The following BTBD7 variants were observed in gnomAD, a reference collection of about 807,000 sequenced individuals.
The protein encoded by BTBD7 is BTB domain containing 7.
Under a neutral mutation model 99.9 loss-of-function variants are expected in BTBD7, and 38 were observed. The observed-to-expected ratio is 0.38, with a 90% confidence interval of 0.29 to 0.50. The LOEUF is 0.50. BTBD7 is among the 20% of genes least tolerant of loss of function. The probability of loss-of-function intolerance (pLI) is 0.93; values close to 1 mark genes in which losing one functional copy is unlikely to be tolerated. For synonymous variants in BTBD7, 520 were observed against 511.4 expected (o/e 1.02, Z -0.23); for missense variants, 1,170 against 1,394.6 (o/e 0.84, Z 2.57).
chr14:93,269,836 C>T (rs773271179), intron 3 of BTBD7, among the ~76,000 whole-genome samples: 72 of 152,208 alleles, frequency 4.7e-4, no homozygotes, highest in Middle Eastern at 3.4e-3. Flanking sequence ...CCTCCTACCA[C>T]GTGAAAAGTA....
intron 1 of BTBD7, among the ~76,000 whole-genome samples, chr14:93,323,759 G>T (rs866721547): frequency 6.6e-6 from 1 of 152,126 alleles, no homozygotes; most frequent in Non-Finnish European, 1.5e-5. Flanking sequence ...GATCTCACTG[G>T]TTTTTCCATT....
intron 1 of BTBD7, among the ~76,000 whole-genome samples, chr14:93,305,637 C>T (rs1045146193): frequency 2.6e-5 from 4 of 152,216 alleles, no homozygotes; most frequent in Non-Finnish European, 1.5e-5. Context: ...TTAAGTATGT[C>T]AGAATGAAAT....
Position 93,296,061 on chromosome 14 carries a change from TCAC to T in BTBD7, c.-13_-11del. 6.2e-7 allele frequency: 1 copy of T among 1,613,236 alleles called. No individual in the cohort carries two copies. On this transcript the variant is annotated 5_prime_UTR_variant, in exon 2 of 11. The change abolishes the stop of an existing upstream ORF in the 5' untranslated region. Coordinates refer to ENST00000334746, the MANE Select transcript of BTBD7 (RefSeq NM_001002860.4). The stretch of plus-strand genomic sequence containing the variant: ...ATGCATTAGCACCCATTTTCTTCAG[TCAC>T]TCAGGCATTCCGTCTGCGGGTTCTT...
chr14:93,293,439 T>C (rs1247185866), intron 3 of BTBD7, among the ~76,000 whole-genome samples: 1 of 152,228 alleles, frequency 6.6e-6, no homozygotes, highest in Admixed American at 6.5e-5. Context: ...AATGTGACTA[T>C]CTTCATTTTT....
intron 3 of BTBD7, among the ~76,000 whole-genome samples, chr14:93,282,567 G>A (rs1240872673): frequency 6.6e-6 from 1 of 152,046 alleles, no homozygotes; most frequent in Non-Finnish European, 1.5e-5. Context: ...TCCTGACTGC[G>A]TGATCTGCCT....
intron 3 of BTBD7, among the ~76,000 whole-genome samples, chr14:93,281,806 T>G (rs992482195): frequency 6.6e-6 from 1 of 152,210 alleles, no homozygotes; most frequent in African/African-American, 2.4e-5. Context: ...AAATACACTT[T>G]CTGATATGTT....
chr14:93,315,973 T>TG (rs1318378383), intron 1 of BTBD7, among the ~76,000 whole-genome samples: 3 of 148,172 alleles, frequency 2.0e-5, no homozygotes, highest in South Asian at 4.2e-4. Context: ...TTTTTTGAGA[T>TG]GGAGTTTTGC....
rs2052272023 is a variant in BTBD7, at chr14:93,244,138, CAG to C, written c.2584-1052_2584-1051del. On this transcript the variant is annotated intron_variant, in intron 10 of 10. Transcript: ENST00000334746. ...CCAGGGAAAGCAGCATGACAGGAAGCAGAGTGACTATGGTGGGCAGACTAGGC... is the reference window on the plus strand; with the variant it reads ...CCAGGGAAAGCAGCATGACAGGAAGCAGTGACTATGGTGGGCAGACTAGGC... 1.5e-5 allele frequency: 7 copies of C among 481,972 alleles called. No homozygotes were observed. The East Asian group carries it at 4.2e-4, about 29-fold the overall frequency. 29.9% of individuals were successfully genotyped at this position (481,972 alleles called of 1,614,324 possible).
intron 1 of BTBD7, among the ~76,000 whole-genome samples, chr14:93,321,620 G>A (rs1349492141): frequency 2.0e-5 from 3 of 152,108 alleles, no homozygotes; most frequent in Non-Finnish European, 4.4e-5. Flanking sequence ...ATACCCCAAA[G>A]GTGCTCATAG....
intron 7 of BTBD7, among the ~76,000 whole-genome samples, 156 bp downstream of exon 7, chr14:93,253,491 C>G (rs1465377421): frequency 1.3e-5 from 2 of 152,134 alleles, no homozygotes; most frequent in African/African-American, 2.4e-5. Flanking sequence ...TTTTAGAAAA[C>G]TATTCTGTTG....
rs151088158 is a variant in BTBD7 at position 93,261,664 on chromosome 14, T to C, written c.1385A>G (p.Asp462Gly). 22 of 1,608,156 alleles carry C rather than the reference T, an allele frequency of 1.4e-5. No homozygotes were observed. The highest frequency in any genetic ancestry group is 6.7e-5 in the African/African-American group (5 of 74,936). ...QSDYLQASEQDILKYLIKWGE... is the reference protein window; with the variant it reads ...QSDYLQASEQGILKYLIKWGE... ...CCATTTAATCAGATATTTAAGGATA[T>C]CTTGTTCACTTGCCTATAATAAAAA... The change falls in exon 5 of 11, where the codon GAT becomes GGT. Residue 462 changes from aspartate (D) to glycine (G), a missense_variant. This residue lies in a region of BTBD7 where 309 missense variants were observed against 342.0 expected (regional missense o/e 0.90). Transcript: ENST00000334746.
At position 93,261,501 on chromosome 14, in the gene BTBD7, A is replaced by G. The variant is rs979988896; in HGVS notation, c.1447+101T>C. On this transcript the variant is annotated intron_variant, in intron 5 of 10. Coordinates refer to ENST00000334746, the MANE Select transcript of BTBD7 (RefSeq NM_001002860.4). ...TAAAAACTTCCATTTTCACCAGGCA[A>G]CAGTGTCAATTTTCAAGACTGATGT... 1.5e-4 allele frequency: 134 copies of G among 904,980 alleles called. No homozygotes were observed. The East Asian group carries it at 3.2e-3, about 22-fold the overall frequency. 56.1% of individuals were successfully genotyped at this position (904,980 alleles called of 1,614,324 possible).
At chr14:93,322,866 T>G (rs1013388305) in intron 1 of BTBD7, among the ~76,000 whole-genome samples, 1 of 152,196 alleles carries the variant, frequency 6.6e-6, no homozygotes, top group Non-Finnish European at 1.5e-5. Context: ...ATAATTCCAG[T>G]GCTTTGGGAA....
chr14:93,290,761 G>A (rs2052842957), intron 3 of BTBD7, among the ~76,000 whole-genome samples: 1 of 151,922 alleles, frequency 6.6e-6, no homozygotes, highest in Non-Finnish European at 1.5e-5. Flanking sequence ...TGCGATCTCA[G>A]CTCACTGCAA....
intron 1 of BTBD7, among the ~76,000 whole-genome samples, chr14:93,331,714 CTA>C (rs2053416662): frequency 6.6e-6 from 1 of 152,282 alleles, no homozygotes; most frequent in East Asian, 1.9e-4. Flanking sequence ...AACCACGTCT[CTA>C]TTAAAAATAC....
intron 1 of BTBD7, among the ~76,000 whole-genome samples, chr14:93,332,611 A>C (rs1284159017): frequency 6.6e-6 from 1 of 151,426 alleles, no homozygotes; most frequent in Non-Finnish European, 1.5e-5. Flanking sequence ...CGGAGCGCAC[A>C]GAGACCGGCC....
chr14:93,237,828 C>A lies in BTBD7; in HGVS notation c.*4445G>T, dbSNP rs191782726. 239 of 152,732 alleles carry A rather than the reference C, an allele frequency of 1.6e-3. No individual in the cohort carries two copies. The highest frequency in any genetic ancestry group is 2.6e-3 in the Non-Finnish European group (180 of 68,020). 9.5% of individuals were successfully genotyped at this position (152,732 alleles called of 1,614,324 possible). On this transcript the variant is annotated 3_prime_UTR_variant, in exon 11 of 11. Transcript: ENST00000334746. ...TACTGGTTATGCAGGTTGTAGAAAA[C>A]ACTTGCATAGGACATGAAATCAGTT...
chr14:93,244,307 A>T (rs1003004143), intron 10 of BTBD7: 2 of 246,712 alleles, frequency 8.1e-6, no homozygotes, highest in African/African-American at 2.3e-5. Context: ...AGAAAGGGAC[A>T]ATTGATCCAG....
At chr14:93,264,901 A>T (rs2052525295) in intron 3 of BTBD7, among the ~76,000 whole-genome samples, 1 of 152,164 alleles carries the variant, frequency 6.6e-6, no homozygotes, top group African/African-American at 2.4e-5. Context: ...AGGAGTTAAG[A>T]CCAGTCTGGC....
Sources: allele counts gnomAD v4.1 joint callset (sites outside exome capture counted in the v4.1 genomes callset), GRCh38; gene constraint gnomAD v4.1.1; regional missense constraint gnomAD v4.1.1; transcripts MANE v1.5; gene names NCBI Gene and HGNC (gene_info 2026-07-23, HGNC 2026-07-21).